Variants in CTNNA2 observed in about 807,000 individuals in gnomAD.
CTNNA2 encodes the protein catenin alpha 2.
Under a neutral mutation model 101.0 loss-of-function variants are expected in CTNNA2, and 42 were observed. The observed-to-expected ratio is 0.42, with a 90% CI of 0.32 to 0.54. The LOEUF (loss-of-function observed/expected upper bound fraction) is 0.54. Ranked by LOEUF, CTNNA2 falls within the 20% of genes least tolerant of loss-of-function variation. The pLI is 0.14. For missense variants in CTNNA2, 871 were observed against 1,223.1 expected (o/e 0.71, Z 4.29); for synonymous variants, 450 against 456.4 (o/e 0.99, Z 0.18).
intron 7 of CTNNA2, among the ~76,000 whole-genome samples, chr2:80,217,959 G>GCACAC: frequency 6.6e-6 from 1 of 152,170 alleles, no homozygotes; most frequent in Admixed American, 6.5e-5. Context: ...CATATCACAG[G>GCACAC]TTAATAACTC....
At chr2:80,192,492 A>G (rs1463887049) in intron 7 of CTNNA2, among the ~76,000 whole-genome samples, 2 of 152,050 alleles carry the variant, frequency 1.3e-5, no homozygotes, top group African/African-American at 2.4e-5. Flanking sequence ...AGTAAAATAA[A>G]TCTTAAAATG....
chr2:79,731,334 C>T (rs2104920613), intron 2 of CTNNA2, among the ~76,000 whole-genome samples: 1 of 152,016 alleles, frequency 6.6e-6, no homozygotes, highest in East Asian at 1.9e-4. Context: ...CTCAGGGAGC[C>T]CTGTACTCTC....
At chr2:79,287,356 C>G (rs973870916) in intron 2 of CTNNA2, among the ~76,000 whole-genome samples, 39 of 152,256 alleles carry the variant, frequency 2.6e-4, no homozygotes, top group Admixed American at 3.3e-4. Context: ...TCCAGTTTTT[C>G]TGCTCTGTTT....
At chr2:79,220,220 A>G (rs767401589) in intron 2 of CTNNA2, among the ~76,000 whole-genome samples, 3 of 152,040 alleles carry the variant, frequency 2.0e-5, no homozygotes, top group Non-Finnish European at 4.4e-5. Context: ...GTAAATGTAT[A>G]TTGAATAGAT....
chr2:79,424,772 A>T (rs151261130), intron 4 of CTNNA2, among the ~76,000 whole-genome samples: 11 of 152,290 alleles, frequency 7.2e-5, no homozygotes, highest in African/African-American at 2.6e-4. Flanking sequence ...CGAGTGGGTC[A>T]AAAGATATAA....
intron 2 of CTNNA2, among the ~76,000 whole-genome samples, chr2:79,690,322 A>C (rs546789197): frequency 6.6e-6 from 1 of 152,174 alleles, no homozygotes; most frequent in African/African-American, 2.4e-5. Flanking sequence ...ATATTCTATT[A>C]TTTTTATACT....
intron 1 of CTNNA2, among the ~76,000 whole-genome samples, chr2:79,624,801 A>C (rs144176542): frequency 1.3e-5 from 2 of 152,188 alleles, no homozygotes; most frequent in Non-Finnish European, 1.5e-5. Flanking sequence ...AGTTCTGGTG[A>C]GAAGTGTAGA....
chr2:80,163,274 C>G lies in CTNNA2; in HGVS notation c.1057-229937C>G, dbSNP rs749238702. 98 of 635,042 alleles carry G rather than the reference C, an allele frequency of 1.5e-4. 1 individual carries two copies. The highest frequency in any genetic ancestry group is 3.7e-4 in the South Asian group (17 of 46,224). 39.3% of individuals were successfully genotyped at this position (635,042 alleles called of 1,614,324 possible). On this transcript the variant is annotated intron_variant, in intron 7 of 18. Coordinates refer to ENST00000402739, the MANE Select transcript of CTNNA2 (RefSeq NM_001282597.3). ...TTCCAATATTAAGCCAGCCTTGTAT[C>G]CTTGATATAAACTCCACTTGGTCAT...
intron 2 of CTNNA2, among the ~76,000 whole-genome samples, chr2:79,295,366 T>A (rs936275800): frequency 2.6e-5 from 4 of 152,156 alleles, no homozygotes; most frequent in Non-Finnish European, 5.9e-5. Context: ...TTTCTTGTGT[T>A]AATAAAATTC....
At chr2:80,624,409 T>TC (rs1227014983) in intron 18 of CTNNA2, among the ~76,000 whole-genome samples, 2 of 152,002 alleles carry the variant, frequency 1.3e-5, no homozygotes, top group Non-Finnish European at 2.9e-5. Flanking sequence ...TTTCTTTTTT[T>TC]CGTGAACAAC....
At chr2:79,785,045 T>C (rs185164016) in intron 3 of CTNNA2, among the ~76,000 whole-genome samples, 1 of 152,254 alleles carries the variant, frequency 6.6e-6, no homozygotes, top group African/African-American at 2.4e-5. Context: ...GACATGTCTT[T>C]CTACCTCTCT....
intron 9 of CTNNA2, among the ~76,000 whole-genome samples, chr2:80,501,066 T>C (rs980218467): frequency 2.6e-5 from 4 of 152,234 alleles, no homozygotes; most frequent in African/African-American, 9.6e-5. Context: ...TTGTTAAATA[T>C]CACATCTCTC....
chr2:80,250,204 A>AGAGAGTGT lies in CTNNA2; in HGVS notation c.1057-143006_1057-143005insAGAGTGTG, dbSNP rs1553476557. On this transcript the variant is annotated intron_variant, in intron 7 of 18. Transcript: ENST00000402739. ...GGGGGAGAGAGAGAGAGAGAGAGAG[A>AGAGAGTGT]GTGTGTGTGTGTGTGTGTGTGTGTG... is the stretch of plus-strand genomic sequence containing the variant. Among the ~76,000 whole-genome samples, 766 of 96,480 alleles carry AGAGAGTGT rather than the reference A, an allele frequency of 7.9e-3. 3 individuals are homozygous for AGAGAGTGT. The highest frequency in any genetic ancestry group is 0.021 in the African/African-American group (698 of 33,842). 63.3% of individuals were successfully genotyped at this position (96,480 alleles called of 152,430 possible).
At chr2:80,065,040 A>T (rs896049574) in intron 7 of CTNNA2, among the ~76,000 whole-genome samples, 2 of 151,990 alleles carry the variant, frequency 1.3e-5, no homozygotes, top group African/African-American at 4.8e-5. Context: ...CCAAGTAAAA[A>T]CCCTTTTGCT....
rs574837926 is a variant in CTNNA2, at chr2:80,170,657, G to A, written c.1057-222554G>A. Among the ~76,000 whole-genome samples, 7 of 152,230 alleles carry A rather than the reference G, an allele frequency of 4.6e-5. 1 individual carries two copies. The South Asian group carries it at 1.0e-3, about 23-fold the overall frequency. On this transcript the variant is annotated intron_variant, in intron 7 of 18. Transcript: ENST00000402739. Reference sequence around the variant, plus strand: ...GTAAGTGCTAAGTTAATGCTTATCCGATGAAATAATATGCAAATGATAAGT... The same window carrying A: ...GTAAGTGCTAAGTTAATGCTTATCCAATGAAATAATATGCAAATGATAAGT...
intron 7 of CTNNA2, among the ~76,000 whole-genome samples, chr2:80,082,240 G>C (rs1319759854): frequency 1.3e-5 from 2 of 152,016 alleles, no homozygotes; most frequent in African/African-American, 4.8e-5. Context: ...ACTATTTTTG[G>C]TGGTTTCGTT....
intron 8 of CTNNA2, among the ~76,000 whole-genome samples, chr2:80,418,492 C>T (rs571828518): frequency 4.6e-5 from 7 of 152,230 alleles, no homozygotes; most frequent in African/African-American, 1.7e-4. Context: ...AGAGTTAAAC[C>T]AAACTAAGTT....
chr2:80,158,930 T>A (rs901427050), intron 7 of CTNNA2, among the ~76,000 whole-genome samples: 6 of 150,926 alleles, frequency 4.0e-5, no homozygotes, highest in Admixed American at 6.6e-5. Context: ...AAAAAAAGAA[T>A]GTCATACAAA....
At chr2:79,299,930 G>A (rs985034060) in intron 2 of CTNNA2, among the ~76,000 whole-genome samples, 1 of 152,136 alleles carries the variant, frequency 6.6e-6, no homozygotes, top group Non-Finnish European at 1.5e-5. Context: ...GGAAGTTTTA[G>A]ATTTACAGAA....
Sources: gnomAD v4.1 joint callset for allele counts (sites outside exome capture counted in the v4.1 genomes callset) on GRCh38, gnomAD v4.1.1 for gene constraint, MANE v1.5 for transcripts, NCBI Gene and HGNC (gene_info 2026-07-23, HGNC 2026-07-21) for gene names.